ZNF14: variants seen among roughly 807,000 people sequenced by gnomAD.
ZNF14 encodes zinc finger protein 14.
In ZNF14, 9 loss-of-function variants were observed where a neutral mutation model predicts 11.3. The ratio of observed to expected loss-of-function variants is 0.80; its 90% confidence interval spans 0.48 to 1.39. The LOEUF is 1.39. Ranked by LOEUF, ZNF14 falls within the 40% of genes most tolerant of loss-of-function variation. ZNF14 has a pLI of 0.00. For synonymous variants in ZNF14, 239 were observed against 245.7 expected, an observed-to-expected ratio of 0.97 and a Z score of 0.25; for missense variants, 711 against 763.9, an observed-to-expected ratio of 0.93 and a Z score of 0.82.
chr19:19,722,589 G>GT (rs1161790386), intron 1 of ZNF14, among the ~76,000 whole-genome samples: 1 of 152,180 alleles, frequency 6.6e-6, no homozygotes, highest in Non-Finnish European at 1.5e-5. Flanking sequence ...CTTTAAAGTA[G>GT]TTTTTTCCAA....
intron 1 of ZNF14, among the ~76,000 whole-genome samples, chr19:19,715,620 T>C (rs953173569): frequency 3.3e-5 from 5 of 152,244 alleles, no homozygotes; most frequent in Non-Finnish European, 7.3e-5. Context: ...CAACATGTTT[T>C]ACGACTTGAG....
Position 19,711,893 on chromosome 19 carries a change from C to T in ZNF14, c.1388G>A (p.Arg463Gln), listed in dbSNP as rs202113659. The T allele has an allele frequency of 3.2e-5, 51 of 1,613,806 alleles. No individual in the cohort carries two copies. The highest frequency in any genetic ancestry group is 2.7e-4 in the East Asian group (12 of 44,856). ...TCCAGTGTGTGACCTTTCATGAATT[C>T]GAAAATAACTTGAACACCTGAAGGC... ...GKAFRCSSYFRIHERSHTGEK... is the reference protein window; with the variant it reads ...GKAFRCSSYFQIHERSHTGEK... The change falls in exon 4 of 4, where the codon CGA becomes CAA. Residue 463 changes from arginine to glutamine, a missense_variant. By Grantham distance (43) the Arg-to-Gln change is conservative. Transcript: ENST00000344099.
chr19:19,724,489 G>A lies in ZNF14; in HGVS notation c.3+8467C>T, dbSNP rs1290573194. Among the ~76,000 whole-genome samples, 5 of 133,866 alleles carry A rather than the reference G, an allele frequency of 3.7e-5. 1 individual carries two copies. Among genetic ancestry groups the A allele is most frequent in the African/African-American group, 1.4e-4 (5 of 36,222 alleles). The allele number at this position is 133,866 out of a possible 152,430, so 87.8% of individuals were successfully genotyped here. A position where few individuals can be genotyped will look rare whatever the true frequency, so the allele number is the denominator to read the frequency against. Reference sequence around the variant, plus strand: ...TGTTCTTTTACATTTGCTGAGGAGTGCTTTACTTCCAACTATGTGGTCAAT... The same window carrying A: ...TGTTCTTTTACATTTGCTGAGGAGTACTTTACTTCCAACTATGTGGTCAAT... On this transcript the variant is annotated intron_variant, in intron 1 of 3. Transcript: ENST00000344099.
At chr19:19,730,749 C>G (rs1396638346) in intron 1 of ZNF14, among the ~76,000 whole-genome samples, 2 of 151,978 alleles carry the variant, frequency 1.3e-5, no homozygotes, top group African/African-American at 4.8e-5. Context: ...CCTGTCTCTA[C>G]TAAAAATACA....
chr19:19,716,450 G>A (rs748283934), intron 1 of ZNF14, among the ~76,000 whole-genome samples: 10 of 151,984 alleles, frequency 6.6e-5, no homozygotes, highest in East Asian at 3.9e-4. Flanking sequence ...CACCACACCC[G>A]TCTAATTTTT....
In ZNF14 at chr19:19,712,706, G is replaced by C. The variant is rs767430153; in HGVS notation, c.575C>G (p.Ala192Gly). 2 of 1,613,492 alleles carry C rather than the reference G, an allele frequency of 1.2e-6. No homozygotes were observed. Among genetic ancestry groups the C allele is most frequent in the Non-Finnish European group, 1.7e-6 (2 of 1,179,848 alleles). ...QPFQRHERTH[A>G]GQKPYECKQC... is the part of the protein sequence containing the mutation. ...CTTACATTCATAGGGTTTCTGTCCA[G>C]CATGAGTCCTTTCATGTCTTTGAAA... Residue 192 changes from alanine (A) to glycine (G), a missense_variant, in exon 4 of 4, where the codon GCT becomes GGT. Ala to Gly is a moderately conservative substitution (Grantham distance 60, BLOSUM62 0). Transcript: ENST00000344099.
intron 1 of ZNF14, among the ~76,000 whole-genome samples, chr19:19,717,985 G>A (rs1350952250): frequency 6.6e-6 from 1 of 152,082 alleles, no homozygotes; most frequent in Non-Finnish European, 1.5e-5. Context: ...TGACATCTAC[G>A]GCTACTGAAA....
At chr19:19,715,988 A>C (rs1167395378) in intron 1 of ZNF14, among the ~76,000 whole-genome samples, 1 of 152,124 alleles carries the variant, frequency 6.6e-6, no homozygotes, top group Non-Finnish European at 1.5e-5. Context: ...GGAGATTACT[A>C]GGAAGTTAGA....
intron 1 of ZNF14, 141 bp downstream of exon 1, chr19:19,732,815 G>C (rs1053565494): frequency 1.8e-6 from 2 of 1,128,106 alleles, no homozygotes; most frequent in Non-Finnish European, 2.5e-6. Flanking sequence ...AGCTCCCACA[G>C]AGAGGACCGA....
chr19:19,712,081 GA>G lies in ZNF14; in HGVS notation c.1199del (p.Phe400SerfsTer306). 1 of 1,613,590 alleles carries G rather than the reference GA, an allele frequency of 6.2e-7. No homozygotes were observed. Among genetic ancestry groups the G allele is most frequent in the Non-Finnish European group, 8.5e-7 (1 of 1,179,884 alleles). On this transcript the variant is annotated frameshift_variant, in exon 4 of 4. Transcript: ENST00000344099. LOFTEE classifies it low-confidence loss of function (END_TRUNC). ...GTTCTCGAAGGGAACTTGAAAAACT[GA>G]AGGTTTTATGACACTGTTTACACTC... Reference protein sequence around the residue: ...PYECKQCHKTFSFSSSLREHE... With the variant: ...PYECKQCHKTXSFSSSLREHE...
Position 19,711,519 on chromosome 19 carries a change from G to A in ZNF14, c.1762C>T (p.Arg588Ter), listed in dbSNP as rs868061946. ...ERTHTGEKPY[R>*]CKQCGKAFRF... ...AAGGCTTTCCCACATTGTTTACATC[G>A]ATAGGGTTTCTCTCCCGTGTGAGTT... The change falls in exon 4 of 4, where the codon CGA becomes TGA. Residue 588 changes from arginine (R) to a stop codon, truncating the protein, a stop_gained. Transcript: ENST00000344099. LOFTEE classifies it low-confidence loss of function (END_TRUNC). 13 of 1,609,646 alleles carry A rather than the reference G, an allele frequency of 8.1e-6. No individual in the cohort carries two copies. In the African/African-American group the frequency reaches 1.1e-4, roughly 13 times the overall value.
intron 1 of ZNF14, among the ~76,000 whole-genome samples, chr19:19,722,632 G>C (rs988014334): frequency 3.9e-5 from 6 of 152,120 alleles, no homozygotes; most frequent in Non-Finnish European, 7.3e-5. Flanking sequence ...AGCTTGATGG[G>C]GATGGCATTG....
intron 1 of ZNF14, among the ~76,000 whole-genome samples, chr19:19,717,705 ATCTT>A (rs1461985436): frequency 6.6e-6 from 1 of 152,200 alleles, no homozygotes; most frequent in East Asian, 1.9e-4. Flanking sequence ...AAGACTAAGT[ATCTT>A]TCTTATCATA....
intron 1 of ZNF14, among the ~76,000 whole-genome samples, chr19:19,715,731 C>A (rs1420288646): frequency 6.6e-6 from 1 of 152,154 alleles, no homozygotes; most frequent in Admixed American, 6.5e-5. Flanking sequence ...GAAAAATAGG[C>A]AGTCAATTTT....
rs1253557746 is a variant in ZNF14, at chr19:19,712,987, A to G, written c.294T>C (p.Thr98=). The part of the protein sequence containing the change: ...PNVNINKETF[T]GAKPHECSFC... ...AGCTGCATTCATGTGGTTTTGCTCC[A>G]GTAAAAGTTTCCTTGTTGATATTAA... is the stretch of plus-strand genomic sequence containing the variant. The change falls in exon 4 of 4, where the codon ACT becomes ACC. Residue 98 remains threonine, a synonymous_variant. Coordinates refer to ENST00000344099, the MANE Select transcript of ZNF14 (RefSeq NM_021030.3). The G allele has an allele frequency of 6.2e-7, 1 of 1,614,022 alleles. No individual in the cohort carries two copies. Among genetic ancestry groups the G allele is most frequent in the Non-Finnish European group, 8.5e-7 (1 of 1,180,026 alleles).
chr19:19,711,824 C>T lies in ZNF14; in HGVS notation c.1457G>A (p.Arg486His), dbSNP rs756566767. The T allele has an allele frequency of 1.4e-5, 22 of 1,611,600 alleles. No homozygotes were observed. The highest frequency in any genetic ancestry group is 1.7e-4 in the Middle Eastern group (1 of 6,056). The change falls in exon 4 of 4, where the codon CGT (arginine) becomes CAT (histidine). Residue 486 changes from arginine to histidine, a missense_variant. Transcript: ENST00000344099. ...TTCATGCAGTCGAAAGGAACTGGAA[C>T]GAATGAAAACTTTTCCACACTGTTT... Reference protein sequence around the residue: ...ECKQCGKVFIRSSSFRLHERT... With the variant: ...ECKQCGKVFIHSSSFRLHERT...
At chr19:19,732,480 G>T (rs999240719) in intron 1 of ZNF14, among the ~76,000 whole-genome samples, 1 of 152,202 alleles carries the variant, frequency 6.6e-6, no homozygotes, top group Non-Finnish European at 1.5e-5. Context: ...ACTAGAGGGG[G>T]TCAGTCCCTG....
rs3031866 is a variant in ZNF14 at position 19,714,713 on chromosome 19, C to CTTTTTTTTT, written c.4-235_4-227dup. ...TTTTTTCTTTTTCCTTTTTCTTTTTCTTTTTTTTTTTTTTTTGAGACAGAG... is the reference window on the plus strand; with the variant it reads ...TTTTTTCTTTTTCCTTTTTCTTTTTCTTTTTTTTTTTTTTTTTTTTTTTTTGAGACAGAG... On this transcript the variant is annotated intron_variant, in intron 1 of 3. Coordinates refer to ENST00000344099, the MANE Select transcript of ZNF14 (RefSeq NM_021030.3). Among the ~76,000 whole-genome samples, 21 of 122,842 alleles carry CTTTTTTTTT rather than the reference C, an allele frequency of 1.7e-4. 1 individual carries two copies. The highest frequency in any genetic ancestry group is 3.8e-4 in the African/African-American group (13 of 33,852). 80.6% of individuals were successfully genotyped at this position (122,842 alleles called of 152,430 possible). A position where few individuals can be genotyped will look rare whatever the true frequency, so the allele number is the denominator to read the frequency against.
rs759654146 is a variant in ZNF14, at chr19:19,712,690, A to G, written c.591T>C (p.Tyr197=). The change falls in exon 4 of 4, where the codon TAT becomes TAC. Residue 197 remains tyrosine, a synonymous_variant. Transcript: ENST00000344099. ...HERTHAGQKP[Y]ECKQCGKTFI... ...AGGTTTTTCCACATTGCTTACATTC[A>G]TAGGGTTTCTGTCCAGCATGAGTCC... 5 of 1,613,784 alleles carry G rather than the reference A, an allele frequency of 3.1e-6. No homozygotes were observed. The highest frequency in any genetic ancestry group is 2.2e-5 in the East Asian group (1 of 44,886).
Sources: gnomAD v4.1 joint callset for allele counts (sites outside exome capture counted in the v4.1 genomes callset) on GRCh38, gnomAD v4.1.1 for gene constraint, MANE v1.5 for transcripts, NCBI Gene and HGNC (gene_info 2026-07-23, HGNC 2026-07-21) for gene names.